MRAS: variants seen among roughly 807,000 people sequenced by gnomAD.
MRAS encodes the protein ras-related protein M-Ras.
MRAS carries 4 observed loss-of-function variants against 20.9 expected under a neutral mutation model. The observed-to-expected ratio is 0.19, with a 90% confidence interval of 0.09 to 0.44. The LOEUF (loss-of-function observed/expected upper bound fraction) is 0.44, where lower values mean the gene tolerates loss of function less well. MRAS is among the 20% of genes least tolerant of loss of function. The pLI is 0.99. For missense variants in MRAS, 154 were observed against 277.5 expected (o/e 0.56, Z 3.16); for synonymous variants, 98 against 102.9 (o/e 0.95, Z 0.29).
intron 3 of MRAS, 90 bp downstream of exon 3, chr3:138,397,567 C>T (rs1216743535): frequency 3.4e-6 from 5 of 1,456,928 alleles, no homozygotes; most frequent in East Asian, 2.3e-5. Context: ...CTTTCTCTCT[C>T]TCTCACCCCT....
At chr3:138,355,476 G>T (rs1225008911) in intron 1 of MRAS, among the ~76,000 whole-genome samples, 5 of 152,090 alleles carry the variant, frequency 3.3e-5, no homozygotes, top group Non-Finnish European at 7.3e-5. Flanking sequence ...TTCTGGAAAG[G>T]CTTTCTTATC....
intron 1 of MRAS, chr3:138,349,519 C>T (rs1326368508): frequency 6.6e-6 from 1 of 152,388 alleles, no homozygotes; most frequent in Non-Finnish European, 1.5e-5. Flanking sequence ...CCCAGTTAGA[C>T]TCTGGCTAGA....
At chr3:138,394,960 T>G (rs1248100799) in intron 2 of MRAS, among the ~76,000 whole-genome samples, 1 of 152,226 alleles carries the variant, frequency 6.6e-6, no homozygotes, top group East Asian at 1.9e-4. Flanking sequence ...CTGCTTCCAG[T>G]CTTGCTCTGT....
chr3:138,395,105 A>G (rs769602513), intron 2 of MRAS, among the ~76,000 whole-genome samples: 1 of 151,588 alleles, frequency 6.6e-6, no homozygotes, highest in Non-Finnish European at 1.5e-5. Flanking sequence ...CAGTGGCGCT[A>G]TCTCAGCTCA....
intron 2 of MRAS, among the ~76,000 whole-genome samples, chr3:138,375,111 TC>T (rs1384038519): frequency 1.3e-5 from 2 of 152,168 alleles, no homozygotes; most frequent in African/African-American, 4.8e-5. Flanking sequence ...GGTCTTGAAC[TC>T]TTGGCTTCAA....
intron 2 of MRAS, among the ~76,000 whole-genome samples, chr3:138,383,841 T>A (rs1247902037): frequency 6.6e-6 from 1 of 152,024 alleles, no homozygotes; most frequent in Non-Finnish European, 1.5e-5. Flanking sequence ...TGGTGTCAGG[T>A]GGTGATAAGT....
intron 5 of MRAS, 93 bp downstream of exon 5, chr3:138,400,706 A>AG (rs1260092801): frequency 9.9e-7 from 1 of 1,009,364 alleles, no homozygotes; most frequent in African/African-American, 1.6e-5. Context: ...TCCTGTTCTG[A>AG]GGCCATGAGG....
intron 2 of MRAS, among the ~76,000 whole-genome samples, chr3:138,395,395 G>A (rs757549682): frequency 1.3e-5 from 2 of 152,094 alleles, no homozygotes; most frequent in East Asian, 1.9e-4. Flanking sequence ...TTAGAACCAA[G>A]TGAAACTTAC....
At chr3:138,374,272 G>A (rs765660145) in intron 2 of MRAS, among the ~76,000 whole-genome samples, 1 of 152,052 alleles carries the variant, frequency 6.6e-6, no homozygotes, top group Non-Finnish European at 1.5e-5. Context: ...TGGCTTATTT[G>A]TAGTTTTCAG....
chr3:138,393,163 A>G (rs971717203), intron 2 of MRAS, among the ~76,000 whole-genome samples: 1 of 152,318 alleles, frequency 6.6e-6, no homozygotes, highest in African/African-American at 2.4e-5. Context: ...GGATCATCTT[A>G]GATTTTAGTT....
intron 4 of MRAS, among the ~76,000 whole-genome samples, chr3:138,399,163 T>C (rs1402636710): frequency 6.6e-6 from 1 of 152,246 alleles, no homozygotes; most frequent in East Asian, 1.9e-4. Context: ...CCTGATTCTC[T>C]GCCAGCCGGT....
chr3:138,398,309 G>C (rs748649923), intron 3 of MRAS, among the ~76,000 whole-genome samples, 160 bp from the exon 4 acceptor site: 4 of 152,230 alleles, frequency 2.6e-5, no homozygotes, highest in Non-Finnish European at 4.4e-5. Context: ...CCCAAGCCCT[G>C]ACCTCTCTCT....
At chr3:138,396,866 GCAAGGTA>G (rs1316965972) in intron 2 of MRAS, among the ~76,000 whole-genome samples, 2 of 152,134 alleles carry the variant, frequency 1.3e-5, no homozygotes, top group East Asian at 3.9e-4. Context: ...CCTAGGGGGT[GCAAGGTA>G]GAGGCACGGT....
intron 1 of MRAS, among the ~76,000 whole-genome samples, chr3:138,368,110 C>A (rs538399340): frequency 6.6e-6 from 1 of 152,162 alleles, no homozygotes; most frequent in African/African-American, 2.4e-5. Flanking sequence ...TTGGTTTCTG[C>A]GTGGATGGGG....
intron 2 of MRAS, among the ~76,000 whole-genome samples, chr3:138,385,138 G>C (rs1205719582): frequency 1.3e-5 from 2 of 151,300 alleles, no homozygotes; most frequent in African/African-American, 4.9e-5. Context: ...AGGCCAAGGG[G>C]CGGGGTTTTG....
Position 138,398,490 on chromosome 3 carries a change from C to T in MRAS, c.369C>T (p.Leu123=), listed in dbSNP as rs145069429. The part of the protein sequence containing the change: ...VKDRESFPMI[L]VANKVDLMHL... ...CCAGGGAGTCATTCCCGATGATCCT[C>T]GTGGCCAACAAGGTCGATTTGATGC... The change falls in exon 4 of 6, where the codon CTC becomes CTT. Residue 123 remains leucine, a synonymous_variant. Transcript: ENST00000423968. The T allele has an allele frequency of 2.0e-5, 32 of 1,614,112 alleles. No homozygotes were observed. The highest frequency in any genetic ancestry group is 6.7e-5 in the Admixed American group (4 of 60,016).
chr3:138,387,001 G>A (rs1457079467), intron 2 of MRAS, among the ~76,000 whole-genome samples: 1 of 152,230 alleles, frequency 6.6e-6, no homozygotes, highest in Non-Finnish European at 1.5e-5. Flanking sequence ...TGTACCAGCA[G>A]TGTGTGAGGG....
At chr3:138,354,713 G>A (rs2054295129) in intron 1 of MRAS, among the ~76,000 whole-genome samples, 1 of 152,168 alleles carries the variant, frequency 6.6e-6, no homozygotes, top group African/African-American at 2.4e-5. Context: ...ATTAATGATA[G>A]GTTTGTATGT....
At chr3:138,401,354 C>T (rs936606033) in intron 5 of MRAS, among the ~76,000 whole-genome samples, 28 of 152,164 alleles carry the variant, frequency 1.8e-4, no homozygotes, top group African/African-American at 6.0e-4. Context: ...AGATCAGCCC[C>T]GGGGCTCTAA....
Sources: allele counts gnomAD v4.1 joint callset (sites outside exome capture counted in the v4.1 genomes callset), GRCh38; gene constraint gnomAD v4.1.1; transcripts MANE v1.5; gene names NCBI Gene and HGNC (gene_info 2026-07-23, HGNC 2026-07-21).